The following EIF2AK2 variants were observed in gnomAD, a reference collection of about 807,000 sequenced individuals.
The protein encoded by EIF2AK2 is interferon-induced, double-stranded RNA-activated protein kinase.
A neutral mutation model predicts 70.5 loss-of-function variants in EIF2AK2; 40 were observed. That is an observed-to-expected ratio of 0.57 (90% CI 0.44 to 0.74). EIF2AK2 has a LOEUF of 0.74. EIF2AK2 is among the 30% of genes least tolerant of loss of function. The pLI, the probability that EIF2AK2 is intolerant of heterozygous loss-of-function variation, is 0.00. For synonymous variants in EIF2AK2, 198 were observed against 220.9 expected, an observed-to-expected ratio of 0.90 and a Z score of 0.92; for missense variants, 555 against 644.3, an observed-to-expected ratio of 0.86 and a Z score of 1.50.
intron 12 of EIF2AK2, among the ~76,000 whole-genome samples, chr2:37,121,293 A>G (rs1413808515): frequency 6.8e-5 from 10 of 147,688 alleles, no homozygotes; most frequent in African/African-American, 2.5e-4. Flanking sequence ...AAACGAGAAG[A>G]AAAAAAAAAT....
chr2:37,141,805 A>G, intron 4 of EIF2AK2, 104 bp from the exon 5 acceptor site: 1 of 1,197,016 alleles, frequency 8.4e-7, no homozygotes, highest in Non-Finnish European at 1.1e-6. Context: ...TTTGAAAGAC[A>G]ACTTGGATGT....
intron 9 of EIF2AK2, 65 bp downstream of exon 9, chr2:37,136,915 TAAG>T: frequency 6.9e-7 from 1 of 1,448,356 alleles, no homozygotes; most frequent in East Asian, 2.3e-5. Context: ...CTACAAGTAT[TAAG>T]AACAATAAAT....
intron 10 of EIF2AK2, among the ~76,000 whole-genome samples, chr2:37,127,249 C>A (rs994469651): frequency 6.6e-6 from 1 of 152,086 alleles, no homozygotes; most frequent in Non-Finnish European, 1.5e-5. Context: ...CACCCCAGTC[C>A]ATGCTTCCAT....
chr2:37,135,680 G>C (rs1675103299), intron 9 of EIF2AK2, 134 bp from the exon 10 acceptor site: 2 of 712,468 alleles, frequency 2.8e-6, no homozygotes, highest in Non-Finnish European at 4.6e-6. Flanking sequence ...CCAGCCTGGA[G>C]TGCAGTGGTG....
intron 5 of EIF2AK2, among the ~76,000 whole-genome samples, chr2:37,140,450 G>C (rs1675289541): frequency 6.6e-6 from 1 of 152,108 alleles, no homozygotes; most frequent in Non-Finnish European, 1.5e-5. Context: ...AATGATTCCA[G>C]TATTTGAACT....
intron 1 of EIF2AK2, 64 bp downstream of exon 1, chr2:37,156,844 C>T (rs1573050165): frequency 6.4e-6 from 1 of 156,418 alleles, no homozygotes; most frequent in African/African-American, 2.4e-5. Flanking sequence ...GCCTGCAGCC[C>T]CTCGTACGTG....
chr2:37,146,536 G>T (rs1385598025), intron 4 of EIF2AK2, among the ~76,000 whole-genome samples: 1 of 152,068 alleles, frequency 6.6e-6, no homozygotes, highest in Non-Finnish European at 1.5e-5. Context: ...CATTTAGGTG[G>T]AGGGGACTCC....
intron 7 of EIF2AK2, 67 bp from the exon 8 acceptor site, chr2:37,138,430 T>C: frequency 6.2e-7 from 1 of 1,600,402 alleles, no homozygotes; most frequent in Non-Finnish European, 8.5e-7. Flanking sequence ...TTTCCCTAAA[T>C]TCTCCTTAAA....
intron 11 of EIF2AK2, among the ~76,000 whole-genome samples, chr2:37,123,611 G>C (rs1173273470): frequency 6.6e-6 from 1 of 152,172 alleles, no homozygotes; most frequent in African/African-American, 2.4e-5. Flanking sequence ...GTTTTGCTTA[G>C]ATTTGTGTTA....
chr2:37,137,935 A>G (rs1675184909), intron 8 of EIF2AK2, among the ~76,000 whole-genome samples: 1 of 151,964 alleles, frequency 6.6e-6, no homozygotes, highest in African/African-American at 2.4e-5. Context: ...ACATGGTGAA[A>G]CCCCGTCTCT....
chr2:37,137,233 T>C (rs1675159966), intron 8 of EIF2AK2, among the ~76,000 whole-genome samples: 1 of 152,354 alleles, frequency 6.6e-6, no homozygotes, highest in Middle Eastern at 3.4e-3. Context: ...ATTGTTTTGA[T>C]TTAAATTTTC....
chr2:37,130,051 C>T lies in EIF2AK2; in HGVS notation c.786-3640G>A, dbSNP rs75056735. 9.7e-3 allele frequency among the ~76,000 whole-genome samples: 1,470 copies of T among 152,262 alleles called. 26 individuals carry two copies. The highest frequency in any genetic ancestry group is 0.033 in the African/African-American group (1,385 of 41,544). ...TGGTCCCACAATATCCCCTAATGGACTATGGGGACTCAAGTCCATCATCTC... is the reference window on the plus strand; with the variant it reads ...TGGTCCCACAATATCCCCTAATGGATTATGGGGACTCAAGTCCATCATCTC... On this transcript the variant is annotated intron_variant, in intron 10 of 16. Coordinates refer to ENST00000233057, the MANE Select transcript of EIF2AK2 (RefSeq NM_001135651.3).
chr2:37,132,944 G>A (rs556156388), intron 10 of EIF2AK2, among the ~76,000 whole-genome samples: 11 of 152,246 alleles, frequency 7.2e-5, no homozygotes, highest in Admixed American at 2.0e-4. Context: ...AATGAGCTTC[G>A]ACTGTCACCT....
chr2:37,112,726 T>C (rs918119958), intron 14 of EIF2AK2, among the ~76,000 whole-genome samples: 2 of 152,232 alleles, frequency 1.3e-5, no homozygotes, highest in African/African-American at 4.8e-5. Flanking sequence ...GGGAATTTTA[T>C]ATATGATAAA....
Position 37,135,364 on chromosome 2 carries a change from G to A in EIF2AK2, c.785+120C>T, listed in dbSNP as rs553688612. On this transcript the variant is annotated intron_variant, in intron 10 of 16. Transcript: ENST00000233057. The stretch of plus-strand genomic sequence containing the variant: ...CCTAAGACTATTGTTCTTACCCTGC[G>A]TAGTTAATCTTATTCAAATATTTTT... 6.2e-5 allele frequency: 48 copies of A among 774,604 alleles called. 1 individual carries two copies. Among genetic ancestry groups the A allele is most frequent in the African/African-American group, 1.2e-4 (7 of 56,774 alleles). 48.0% of individuals were successfully genotyped at this position (774,604 alleles called of 1,614,324 possible). A position where few individuals can be genotyped will look rare whatever the true frequency, so the allele number is the denominator to read the frequency against.
At chr2:37,130,262 CAACTAATTTTTGT>C (rs1182461991) in intron 10 of EIF2AK2, among the ~76,000 whole-genome samples, 1 of 152,096 alleles carries the variant, frequency 6.6e-6, no homozygotes, top group Non-Finnish European at 1.5e-5. Context: ...CCACCATGCC[CAACTAATTTTTGT>C]ATTTTTAGTA....
intron 1 of EIF2AK2, among the ~76,000 whole-genome samples, chr2:37,155,950 A>AAGAAAAG (rs1553340888): frequency 2.2e-5 from 3 of 138,980 alleles, no homozygotes; most frequent in African/African-American, 8.0e-5. Context: ...AAAAAAAAAA[A>AAGAAAAG]AAAAGAAAAG....
intron 5 of EIF2AK2, among the ~76,000 whole-genome samples, chr2:37,139,982 A>C (rs1675272268): frequency 6.6e-6 from 1 of 152,148 alleles, no homozygotes; most frequent in South Asian, 2.1e-4. Context: ...TTTCCAGGCA[A>C]TTTCTAATTT....
At position 37,105,146 on chromosome 2, in the gene EIF2AK2, T is replaced by C. The variant is rs969285585; in HGVS notation, c.*2127A>G. ...TCTTACTGTATTTTCACTTTTTGCT[T>C]AACCTAAATTTGGCCCTTTTTAAAA... On this transcript the variant is annotated 3_prime_UTR_variant, in exon 17 of 17. Transcript: ENST00000233057. The C allele has an allele frequency of 1.3e-5, 2 of 152,250 alleles. No homozygotes were observed. The highest frequency in any genetic ancestry group is 6.5e-5 in the Admixed American group (1 of 15,290). 9.4% of individuals were successfully genotyped at this position (152,250 alleles called of 1,614,324 possible). A position where few individuals can be genotyped will look rare whatever the true frequency, so the allele number is the denominator to read the frequency against.
Sources: allele counts gnomAD v4.1 joint callset (sites outside exome capture counted in the v4.1 genomes callset), GRCh38; gene constraint gnomAD v4.1.1; transcripts MANE v1.5; gene names NCBI Gene and HGNC (gene_info 2026-07-23, HGNC 2026-07-21).